The following FHIP1A variants were observed in gnomAD, a reference collection of about 807,000 sequenced individuals.
FHIP1A encodes FHF complex subunit HOOK interacting protein 1A.
In FHIP1A, 61 loss-of-function variants were observed where a neutral mutation model predicts 88.6. That is an observed-to-expected ratio of 0.69 (90% CI 0.56 to 0.85). The LOEUF is 0.85. Among genes scored for constraint, FHIP1A ranks in the 40% least tolerant of loss-of-function variants. The pLI, the probability that FHIP1A is intolerant of heterozygous loss-of-function variation, is 0.00. For synonymous variants in FHIP1A, 478 were observed against 496.0 expected, an observed-to-expected ratio of 0.96 and a Z score of 0.48; for missense variants, 1,154 against 1,273.5, an observed-to-expected ratio of 0.91 and a Z score of 1.43.
intron 3 of FHIP1A, among the ~76,000 whole-genome samples, chr4:151,501,879 C>A (rs1730661724): frequency 6.7e-6 from 1 of 150,078 alleles, no homozygotes. Flanking sequence ...ACTACAAATC[C>A]TACAAAGAAA....
At chr4:151,439,919 G>A (rs941603273) in intron 1 of FHIP1A, among the ~76,000 whole-genome samples, 2 of 151,980 alleles carry the variant, frequency 1.3e-5, no homozygotes, top group African/African-American at 2.4e-5. Flanking sequence ...TAGTTATTAC[G>A]TTTATTGTCT....
intron 9 of FHIP1A, among the ~76,000 whole-genome samples, chr4:151,643,193 T>C (rs559466544): frequency 3.2e-4 from 48 of 152,328 alleles, no homozygotes; most frequent in African/African-American, 9.9e-4. Context: ...ATTCATTCTA[T>C]TTCTAATCTT....
At position 151,521,222 on chromosome 4, in the gene FHIP1A, A is replaced by G. The variant is rs113745010; in HGVS notation, c.-123+38574A>G. On this transcript the variant is annotated intron_variant, in intron 3 of 13. Transcript: ENST00000435205. ...TAACAATTTATCCACTTAGAGAAGCAATTTGTGGTATGTAGGCTACCCTAG... is the reference window on the plus strand; with the variant it reads ...TAACAATTTATCCACTTAGAGAAGCGATTTGTGGTATGTAGGCTACCCTAG... 3.4e-3 allele frequency among the ~76,000 whole-genome samples: 511 copies of G among 152,310 alleles called. 3 individuals carry two copies. Among genetic ancestry groups the G allele is most frequent in the African/African-American group, 0.012 (496 of 41,564 alleles).
chr4:151,481,359 ATATT>A (rs1472520290), intron 2 of FHIP1A, among the ~76,000 whole-genome samples: 13 of 152,022 alleles, frequency 8.6e-5, no homozygotes, highest in Non-Finnish European at 1.3e-4. Context: ...GTTTTGAAGT[ATATT>A]TATATATACA....
At chr4:151,602,765 C>T (rs1734923060) in intron 7 of FHIP1A, among the ~76,000 whole-genome samples, 1 of 152,066 alleles carries the variant, frequency 6.6e-6, no homozygotes, top group African/African-American at 2.4e-5. Context: ...AATAATGCCG[C>T]TTAGTGTGGA....
At chr4:151,464,192 T>C (rs1368877568) in intron 2 of FHIP1A, among the ~76,000 whole-genome samples, 1 of 152,154 alleles carries the variant, frequency 6.6e-6, no homozygotes, top group Non-Finnish European at 1.5e-5. Context: ...TGCCCAGCAA[T>C]ATTTTTATTT....
At position 151,560,675 on chromosome 4, in the gene FHIP1A, A is replaced by T. The variant is rs761326715; in HGVS notation, c.-122-5463A>T. 4.6e-5 allele frequency among the ~76,000 whole-genome samples: 7 copies of T among 152,166 alleles called. 1 individual carries two copies. The highest frequency in any genetic ancestry group is 1.0e-4 in the Non-Finnish European group (7 of 68,014). ...GGTGTATACTATCAAGAGTACAGTGATCAGTTGGGTTGGTGGGGAGACTTT... is the reference window on the plus strand; with the variant it reads ...GGTGTATACTATCAAGAGTACAGTGTTCAGTTGGGTTGGTGGGGAGACTTT... On this transcript the variant is annotated intron_variant, in intron 3 of 13. Coordinates refer to ENST00000435205, the MANE Select transcript of FHIP1A (RefSeq NM_001109977.3).
rs183004215 is a variant in FHIP1A, at chr4:151,552,663, C to T, written c.-122-13475C>T. On this transcript the variant is annotated intron_variant, in intron 3 of 13. Transcript: ENST00000435205. Reference sequence around the variant, plus strand: ...ACACAGGGTGGGGAACATCACACCCCGGGGCCTGTTGTCGGGTGGGAGGAT... The same window carrying T: ...ACACAGGGTGGGGAACATCACACCCTGGGGCCTGTTGTCGGGTGGGAGGAT... Among the ~76,000 whole-genome samples the T allele has an allele frequency of 2.4e-4, 36 of 151,602 alleles. No homozygotes were observed. In the East Asian group the frequency reaches 4.1e-3, roughly 17 times the overall value.
intron 5 of FHIP1A, among the ~76,000 whole-genome samples, chr4:151,586,427 T>C (rs1388838453): frequency 6.6e-6 from 1 of 152,232 alleles, no homozygotes; most frequent in Non-Finnish European, 1.5e-5. Flanking sequence ...CAGATAGTTC[T>C]GATATTGCCA....
At position 151,481,849 on chromosome 4, in the gene FHIP1A, C is replaced by T. The variant is rs149967292; in HGVS notation, c.-247-675C>T. On this transcript the variant is annotated intron_variant, in intron 2 of 13. Coordinates refer to ENST00000435205, the MANE Select transcript of FHIP1A (RefSeq NM_001109977.3). ...CTTACTGCTGTCTTGGACACCTCTA[C>T]GTTTTGTTCTCTGTGTTTCTCCCAG... 1.3e-3 allele frequency among the ~76,000 whole-genome samples: 200 copies of T among 152,176 alleles called. 1 individual carries two copies. The highest frequency in any genetic ancestry group is 4.6e-3 in the African/African-American group (192 of 41,558).
chr4:151,593,334 A>C (rs1332420237), intron 7 of FHIP1A, among the ~76,000 whole-genome samples: 2 of 152,178 alleles, frequency 1.3e-5, no homozygotes, highest in Admixed American at 1.3e-4. Flanking sequence ...ATAGCATTGA[A>C]TCTATAAATT....
At chr4:151,590,471 C>T (rs887835072) in intron 7 of FHIP1A, among the ~76,000 whole-genome samples, 3 of 152,238 alleles carry the variant, frequency 2.0e-5, no homozygotes, top group African/African-American at 7.2e-5. Flanking sequence ...GGTCACCACA[C>T]ACTACTTCTT....
chr4:151,563,495 C>T (rs565577885), intron 3 of FHIP1A, among the ~76,000 whole-genome samples: 4 of 152,254 alleles, frequency 2.6e-5, no homozygotes, highest in Non-Finnish European at 5.9e-5. Flanking sequence ...ACATTTTTGA[C>T]ATCACGTACC....
chr4:151,579,535 A>G (rs1733945723), intron 5 of FHIP1A, among the ~76,000 whole-genome samples: 1 of 152,220 alleles, frequency 6.6e-6, no homozygotes, highest in Non-Finnish European at 1.5e-5. Context: ...CAGGTATTGT[A>G]ACAAATCAAA....
At chr4:151,603,308 G>C (rs1400819085) in intron 7 of FHIP1A, among the ~76,000 whole-genome samples, 1 of 149,678 alleles carries the variant, frequency 6.7e-6, no homozygotes, top group South Asian at 2.1e-4. Flanking sequence ...GCGAGACTCC[G>C]TCTGAAAAAA....
chr4:151,431,892 A>G (rs1733605712), intron 1 of FHIP1A, among the ~76,000 whole-genome samples: 1 of 152,208 alleles, frequency 6.6e-6, no homozygotes, highest in African/African-American at 2.4e-5. Flanking sequence ...TTAAGGAGGA[A>G]GCTGAAGTGA....
intron 4 of FHIP1A, among the ~76,000 whole-genome samples, chr4:151,570,569 A>T (rs146824489): frequency 1.3e-3 from 202 of 152,286 alleles, no homozygotes; most frequent in Non-Finnish European, 2.2e-3. Context: ...CTGCTCCCTC[A>T]GTCTCCCAAA....
At chr4:151,586,862 G>A in intron 6 of FHIP1A, 63 bp downstream of exon 6, 1 of 1,222,824 alleles carries the variant, frequency 8.2e-7, no homozygotes, top group Non-Finnish European at 1.1e-6. Context: ...GCACTGCAAA[G>A]GATTAATTTT....
intron 3 of FHIP1A, among the ~76,000 whole-genome samples, chr4:151,528,180 G>A (rs1385535507): frequency 1.3e-5 from 2 of 152,134 alleles, no homozygotes; most frequent in Admixed American, 6.5e-5. Context: ...AATTTTCATG[G>A]CCAGTTGAGT....
Sources: allele counts gnomAD v4.1 joint callset (sites outside exome capture counted in the v4.1 genomes callset), GRCh38; gene constraint gnomAD v4.1.1; transcripts MANE v1.5; gene names NCBI Gene and HGNC (gene_info 2026-07-23, HGNC 2026-07-21).